ANKRD11: variants seen among roughly 807,000 people sequenced by gnomAD.
The protein encoded by ANKRD11 is ankyrin repeat domain-containing protein 11.
A neutral mutation model predicts 195.7 loss-of-function variants in ANKRD11; 17 were observed. The ratio of observed to expected loss-of-function variants is 0.09; its 90% confidence interval spans 0.06 to 0.13. The LOEUF (loss-of-function observed/expected upper bound fraction) is 0.13. ANKRD11 is among the 10% of genes least tolerant of loss of function. ANKRD11 has a pLI of 1.00. For synonymous variants in ANKRD11, 1,953 were observed against 1,528.1 expected, an observed-to-expected ratio of 1.28 and a Z score of -6.49; for missense variants, 3,735 against 3,566.1, an observed-to-expected ratio of 1.05 and a Z score of -1.21.
chr16:89,359,466 C>G (rs1198084958), intron 2 of ANKRD11, among the ~76,000 whole-genome samples: 1 of 152,180 alleles, frequency 6.6e-6, no homozygotes, highest in African/African-American at 2.4e-5. Flanking sequence ...TGCTGCAGCC[C>G]CTCGGCCCCC....
chr16:89,470,209 C>T (rs537415219), intron 1 of ANKRD11, among the ~76,000 whole-genome samples: 51 of 152,122 alleles, frequency 3.4e-4, no homozygotes, highest in African/African-American at 1.1e-3. Flanking sequence ...CCTATAATGT[C>T]ACCGGCCTAT....
chr16:89,395,743 G>C (rs2041397479), intron 2 of ANKRD11: 1 of 152,228 alleles, frequency 6.6e-6, no homozygotes, highest in African/African-American at 2.4e-5. Context: ...AGACTGAATA[G>C]CTTGGTACAC....
intron 2 of ANKRD11, among the ~76,000 whole-genome samples, chr16:89,364,309 G>C (rs750517939): frequency 9.2e-5 from 14 of 152,136 alleles, no homozygotes; most frequent in Non-Finnish European, 1.9e-4. Context: ...ATGACCAGCA[G>C]AAAACCACCA....
rs1161026825 is a variant in ANKRD11 at position 89,280,163 on chromosome 16, G to A, written c.6379C>T (p.Pro2127Ser). The change falls in exon 9 of 13, where the codon CCC (proline) becomes TCC (serine). Residue 2127 changes from proline (P) to serine (S), a missense_variant. By Grantham distance (74) the Pro-to-Ser change is moderately conservative. Transcript: ENST00000301030. ...GGCCCCAGGTCCAGGTCGTCCTCGGGGCCGGCGAAGGCGTCCGCCCAGGGC... is the reference window on the plus strand; with the variant it reads ...GGCCCCAGGTCCAGGTCGTCCTCGGAGCCGGCGAAGGCGTCCGCCCAGGGC... Reference protein sequence around the residue: ...PVPWADAFAGPEDDLDLGPFS... With the variant: ...PVPWADAFAGSEDDLDLGPFS... 6.2e-7 allele frequency: 1 copy of A among 1,609,770 alleles called. No homozygotes were observed. Among genetic ancestry groups the A allele is most frequent in the East Asian group, 2.2e-5 (1 of 44,812 alleles).
At chr16:89,311,682 A>G (rs1567624730) in intron 3 of ANKRD11, among the ~76,000 whole-genome samples, 1 of 152,220 alleles carries the variant, frequency 6.6e-6, no homozygotes, top group East Asian at 1.9e-4. Flanking sequence ...AGGATTTTAA[A>G]AGAGAGCACG....
chr16:89,301,774 T>C (rs565329773), intron 4 of ANKRD11: 37 of 396,708 alleles, frequency 9.3e-5, no homozygotes, highest in Middle Eastern at 1.3e-3. Context: ...CAGAATCACA[T>C]TGTTCTTGGC....
intron 1 of ANKRD11, among the ~76,000 whole-genome samples, chr16:89,472,315 G>C (rs1400322194): frequency 6.6e-6 from 1 of 151,540 alleles, no homozygotes; most frequent in Non-Finnish European, 1.5e-5. Flanking sequence ...TGGATCTGTA[G>C]GGACGGTACC....
At chr16:89,457,378 C>G (rs2056485729) in intron 1 of ANKRD11, among the ~76,000 whole-genome samples, 1 of 151,366 alleles carries the variant, frequency 6.6e-6, no homozygotes, top group African/African-American at 2.4e-5. Context: ...GTGGGCAGAT[C>G]ATGCGGTCAG....
intron 2 of ANKRD11, among the ~76,000 whole-genome samples, chr16:89,317,414 A>T (rs1597608956): frequency 6.6e-6 from 1 of 152,140 alleles, no homozygotes; most frequent in Non-Finnish European, 1.5e-5. Context: ...TACAGGCTAC[A>T]CCCAAAACGG....
chr16:89,338,726 CAAAAAAAAAAAAA>C (rs34799616), intron 2 of ANKRD11, among the ~76,000 whole-genome samples: 4 of 43,792 alleles, frequency 9.1e-5, no homozygotes, highest in African/African-American at 3.1e-4. Context: ...CACTCAGTCT[CAAAAAAAAAAAAA>C]AAAAAAAAAA....
Position 89,301,561 on chromosome 16 carries a change from A to T in ANKRD11, c.226+3645T>A, listed in dbSNP as rs1310114791. ...AGCTGTCTTGGGGCCGGGACATGGC[A>T]GGTGCCTTCCCACTCCTTGCTGCAC... On this transcript the variant is annotated intron_variant, in intron 4 of 12. Transcript: ENST00000301030. 1.3e-5 allele frequency: 5 copies of T among 398,846 alleles called. No individual in the cohort carries two copies. In the East Asian group the frequency reaches 1.8e-4, roughly 14 times the overall value. 24.7% of individuals were successfully genotyped at this position (398,846 alleles called of 1,614,324 possible).
At chr16:89,487,683 G>A (rs1350376853) in intron 1 of ANKRD11, among the ~76,000 whole-genome samples, 1 of 152,096 alleles carries the variant, frequency 6.6e-6, no homozygotes, top group Non-Finnish European at 1.5e-5. Flanking sequence ...CTGAGGCAGA[G>A]AACTGCTTGA....
intron 4 of ANKRD11, among the ~76,000 whole-genome samples, chr16:89,304,866 G>T (rs909083503): frequency 2.0e-5 from 3 of 152,162 alleles, no homozygotes; most frequent in Admixed American, 2.0e-4. Context: ...GGCCCTGAGG[G>T]GAACCACTGT....
chr16:89,459,035 G>C (rs1285170042), intron 1 of ANKRD11: 1 of 158,898 alleles, frequency 6.3e-6, no homozygotes, highest in Non-Finnish European at 1.4e-5. Flanking sequence ...ACTAAACAAG[G>C]GAAGACTGTG....
In ANKRD11 at chr16:89,380,355, A is replaced by C. The variant is rs531416745; in HGVS notation, c.-60+37929T>G. ...TCAAACTCCTGACCTCAGGTGATCC[A>C]CCCACCTCGGCCTCCCAAAGTGCTG... On this transcript the variant is annotated intron_variant, in intron 2 of 12. Transcript: ENST00000301030. 3.3e-5 allele frequency among the ~76,000 whole-genome samples: 5 copies of C among 152,172 alleles called. No individual in the cohort carries two copies. The East Asian group carries it at 9.7e-4, about 29-fold the overall frequency.
chr16:89,304,411 A>G (rs965743916), intron 4 of ANKRD11, among the ~76,000 whole-genome samples: 1 of 149,074 alleles, frequency 6.7e-6, no homozygotes, highest in Non-Finnish European at 1.5e-5. Flanking sequence ...TACACACATG[A>G]GCGCACATAT....
rs780393194 is a variant in ANKRD11, at chr16:89,280,079, G to C, written c.6463C>G (p.Pro2155Ala). Reference sequence around the variant, plus strand: ...GGAGGAGCAAGACTTTCTTCCACGGGTTCCGCTTCACCATCTGCGGCATCT... The same window carrying C: ...GGAGGAGCAAGACTTTCTTCCACGGCTTCCGCTTCACCATCTGCGGCATCT... The part of the protein sequence containing the change: ...TKDAADGEAE[P>A]VEESLAPPEE... Residue 2155 changes from proline (P) to alanine (A), a missense_variant, in exon 9 of 13, where the codon CCC (proline) becomes GCC (alanine). Physicochemically the swap from Pro to Ala is conservative, Grantham distance 27. Coordinates refer to ENST00000301030, the MANE Select transcript of ANKRD11 (RefSeq NM_013275.6). 2 of 1,613,152 alleles carry C rather than the reference G, an allele frequency of 1.2e-6. No homozygotes were observed. Among genetic ancestry groups the C allele is most frequent in the East Asian group, 4.5e-5 (2 of 44,864 alleles).
intron 9 of ANKRD11, 92 bp downstream of exon 9, chr16:89,278,980 T>A: frequency 6.4e-7 from 1 of 1,554,206 alleles, no homozygotes; most frequent in South Asian, 1.2e-5. Flanking sequence ...GGGCCATGAG[T>A]GGGACAAGAC....
chr16:89,271,236 G>C, intron 11 of ANKRD11: 1 of 335,270 alleles, frequency 3.0e-6, no homozygotes, highest in Non-Finnish European at 5.5e-6. Context: ...TCCTGGGAGA[G>C]ACTTTTTTTT....
Sources: gnomAD v4.1 joint callset for allele counts (sites outside exome capture counted in the v4.1 genomes callset) on GRCh38, gnomAD v4.1.1 for gene constraint, MANE v1.5 for transcripts, NCBI Gene and HGNC (gene_info 2026-07-23, HGNC 2026-07-21) for gene names.